The following POLE4 variants were observed in gnomAD, a reference collection of about 807,000 sequenced individuals.
The protein encoded by POLE4 is DNA polymerase epsilon subunit 4.
In POLE4, 15 loss-of-function variants were observed where a neutral mutation model predicts 15.6. The ratio of observed to expected loss-of-function variants is 0.96; its 90% CI spans 0.64 to 1.48. The LOEUF (loss-of-function observed/expected upper bound fraction) is 1.48. POLE4 is among the 40% of genes most tolerant of loss of function. POLE4 has a pLI of 0.00. For synonymous variants in POLE4, 83 were observed against 63.2 expected (o/e 1.31, Z -1.49); for missense variants, 205 against 151.9 (o/e 1.35, Z -1.84).
intron 3 of POLE4, chr2:74,961,030 T>G (rs1671214250): frequency 6.3e-6 from 1 of 158,486 alleles, no homozygotes; most frequent in Non-Finnish European, 1.4e-5. Flanking sequence ...TCTAGCTTTG[T>G]GTAAGTACCC....
chr2:74,967,314 A>G (rs569696165), intron 3 of POLE4, among the ~76,000 whole-genome samples: 1 of 135,414 alleles, frequency 7.4e-6, no homozygotes, highest in Non-Finnish European at 1.6e-5. Context: ...CCTTTAAACT[A>G]TTTTTTTTGT....
At chr2:74,965,983 A>G (rs572635549) in intron 3 of POLE4, among the ~76,000 whole-genome samples, 1 of 151,492 alleles carries the variant, frequency 6.6e-6, no homozygotes, top group South Asian at 2.1e-4. Context: ...GTAATTGGTC[A>G]TATCTATGAG....
intron 3 of POLE4, among the ~76,000 whole-genome samples, chr2:74,967,399 CT>C (rs548782975): frequency 5.5e-5 from 8 of 144,276 alleles, no homozygotes; most frequent in South Asian, 2.2e-4. Context: ...AATCTGTTGT[CT>C]TTTTTTTTAG....
chr2:74,959,256 T>A lies in POLE4; in HGVS notation c.214-85T>A. 7.3e-6 allele frequency: 6 copies of A among 821,920 alleles called. 1 individual carries two copies. In the South Asian group the frequency reaches 9.5e-5, roughly 13 times the overall value. The allele number at this position is 821,920 out of a possible 1,614,324, so 50.9% of individuals were successfully genotyped here. Reference sequence around the variant, plus strand: ...TCTTGCCCCGAGCCTTTCTTCTCCCTTTCTGCCCCCACCCACAAACCGGAG... The same window carrying A: ...TCTTGCCCCGAGCCTTTCTTCTCCCATTCTGCCCCCACCCACAAACCGGAG... On this transcript the variant is annotated intron_variant, in intron 1 of 3. Coordinates refer to ENST00000483063, the MANE Select transcript of POLE4 (RefSeq NM_019896.4).
intron 1 of POLE4, 27 bp downstream of exon 1, chr2:74,958,919 G>GGAGT: frequency 6.5e-7 from 1 of 1,543,764 alleles, no homozygotes; most frequent in Non-Finnish European, 8.8e-7. Context: ...AGGGCATGCG[G>GGAGT]GAGTGGGGGA....
At chr2:74,966,735 A>G (rs1298427386) in intron 3 of POLE4, among the ~76,000 whole-genome samples, 2 of 152,086 alleles carry the variant, frequency 1.3e-5, no homozygotes, top group Non-Finnish European at 2.9e-5. Context: ...TCCATTTGTG[A>G]TCATTTTCTT....
chr2:74,965,381 G>A (rs936744117), intron 3 of POLE4, among the ~76,000 whole-genome samples: 17 of 152,142 alleles, frequency 1.1e-4, no homozygotes, highest in African/African-American at 3.4e-4. Flanking sequence ...TTACAGGCGT[G>A]AGCCACCGCG....
chr2:74,967,652 C>A (rs1247047530), intron 3 of POLE4, among the ~76,000 whole-genome samples: 1 of 152,280 alleles, frequency 6.6e-6, no homozygotes, highest in Middle Eastern at 3.4e-3. Context: ...TCTTTTGGTA[C>A]TGTCACATGG....
chr2:74,963,967 A>G (rs933038251), intron 3 of POLE4, among the ~76,000 whole-genome samples: 1 of 152,142 alleles, frequency 6.6e-6, no homozygotes, highest in Non-Finnish European at 1.5e-5. Flanking sequence ...AATATTCCCT[A>G]CTGTATTGTC....
intron 3 of POLE4, among the ~76,000 whole-genome samples, chr2:74,966,836 T>C (rs1671302943): frequency 6.6e-6 from 1 of 152,226 alleles, no homozygotes; most frequent in Non-Finnish European, 1.5e-5. Flanking sequence ...TTGAATTTCA[T>C]TGTTGGAGGA....
At chr2:74,962,776 G>A (rs1034855806) in intron 3 of POLE4, among the ~76,000 whole-genome samples, 2 of 151,974 alleles carry the variant, frequency 1.3e-5, no homozygotes, top group East Asian at 1.9e-4. Flanking sequence ...CCCCTTTCCC[G>A]ACATTACTGT....
intron 1 of POLE4, 120 bp downstream of exon 1, chr2:74,959,012 G>A: frequency 1.1e-6 from 1 of 909,352 alleles, no homozygotes; most frequent in Non-Finnish European, 1.6e-6. Context: ...TGTGGGCGTG[G>A]ACCCGGAAGG....
At chr2:74,967,097 A>G (rs1259558210) in intron 3 of POLE4, among the ~76,000 whole-genome samples, 2 of 152,108 alleles carry the variant, frequency 1.3e-5, no homozygotes, top group African/African-American at 4.8e-5. Flanking sequence ...AGCTTCTTGA[A>G]TCTATAGATT....
At chr2:74,961,077 A>T (rs957640273) in intron 3 of POLE4, 2 of 153,262 alleles carry the variant, frequency 1.3e-5, no homozygotes, top group African/African-American at 4.8e-5. Flanking sequence ...TCGCCTGAAG[A>T]TGTGATGCAT....
chr2:74,961,597 G>A (rs1288203966), intron 3 of POLE4: 1 of 152,156 alleles, frequency 6.6e-6, no homozygotes, highest in East Asian at 1.9e-4. Flanking sequence ...TGCTGCCCTG[G>A]GGAAAATAAA....
intron 2 of POLE4, chr2:74,959,740 T>C (rs1209295658): frequency 7.0e-6 from 3 of 431,074 alleles, no homozygotes; most frequent in Non-Finnish European, 1.2e-5. Context: ...CTTGTCTGGC[T>C]GGGAACCCTC....
chr2:74,963,892 A>G (rs1671261619), intron 3 of POLE4, among the ~76,000 whole-genome samples: 1 of 152,258 alleles, frequency 6.6e-6, no homozygotes, highest in African/African-American at 2.4e-5. Flanking sequence ...GCATTAAAAT[A>G]TAAAGGTAAT....
At position 74,958,834 on chromosome 2, in the gene POLE4, C is replaced by A; in HGVS notation, c.155C>A (p.Ala52Glu). The A allele has an allele frequency of 6.4e-7, 1 of 1,559,898 alleles. No homozygotes were observed. Among genetic ancestry groups the A allele is most frequent in the Non-Finnish European group, 8.7e-7 (1 of 1,152,032 alleles). The change falls in exon 1 of 4, where the codon GCA becomes GAA. Residue 52 changes from alanine (A) to glutamate (E), a missense_variant. By Grantham distance (107) the Ala-to-Glu change is moderately radical. Coordinates refer to ENST00000483063, the MANE Select transcript of POLE4 (RefSeq NM_019896.4). ...GCGCGAGTGAAGGCCTTGGTGAAGG[C>A]AGATCCCGACGTGACGCTAGCGGGA... ...PLARVKALVK[A>E]DPDVTLAGQE...
chr2:74,967,323 GT>G (rs951281326), intron 3 of POLE4, among the ~76,000 whole-genome samples: 525 of 130,076 alleles, frequency 4.0e-3, no homozygotes, highest in Middle Eastern at 0.018. Flanking sequence ...TATTTTTTTT[GT>G]TTTTTTTTTT....
Sources: allele counts gnomAD v4.1 joint callset (sites outside exome capture counted in the v4.1 genomes callset), GRCh38; gene constraint gnomAD v4.1.1; transcripts MANE v1.5; gene names NCBI Gene and HGNC (gene_info 2026-07-23, HGNC 2026-07-21).